The following GPR158 variants were observed in gnomAD, a reference collection of about 807,000 sequenced individuals.
The protein encoded by GPR158 is metabotropic glycine receptor.
A neutral mutation model predicts 78.2 loss-of-function variants in GPR158; 30 were observed. The observed-to-expected ratio is 0.38, with a 90% CI of 0.29 to 0.52. The LOEUF (loss-of-function observed/expected upper bound fraction) is 0.52, where lower values mean the gene tolerates loss of function less well. Among genes scored for constraint, GPR158 ranks in the 20% least tolerant of loss-of-function variants. The pLI is 0.83. For missense variants in GPR158, 1,463 were observed against 1,523.5 expected (o/e 0.96, Z 0.66); for synonymous variants, 581 against 591.1 (o/e 0.98, Z 0.25).
intron 5 of GPR158, among the ~76,000 whole-genome samples, chr10:25,494,515 T>C (rs1426008775): frequency 6.6e-6 from 1 of 152,212 alleles, no homozygotes; most frequent in African/African-American, 2.4e-5. Context: ...ATTGCTACTG[T>C]AGATAATATT....
chr10:25,208,974 A>C (rs868602730), intron 1 of GPR158, among the ~76,000 whole-genome samples: 2 of 150,840 alleles, frequency 1.3e-5, no homozygotes, highest in Middle Eastern at 6.8e-3. Context: ...TCAGCCTCCC[A>C]AGAAGCTGGG....
chr10:25,378,524 GCT>G (rs1834115220), intron 2 of GPR158, among the ~76,000 whole-genome samples: 1 of 151,072 alleles, frequency 6.6e-6, no homozygotes, highest in African/African-American at 2.4e-5. Flanking sequence ...GTCCCACTAT[GCT>G]CTTTTTTCCT....
intron 2 of GPR158, among the ~76,000 whole-genome samples, chr10:25,254,587 AAAAT>A (rs568617121): frequency 5.2e-4 from 79 of 152,328 alleles, no homozygotes; most frequent in African/African-American, 1.9e-3. Flanking sequence ...TAGTAGTGAA[AAAAT>A]AAATTCTATT....
Position 25,599,044 on chromosome 10 carries a change from C to G in GPR158, c.3418C>G (p.Gln1140Glu). Reference protein sequence around the residue: ...ENENLNQIGHQEKKTSSSEEN... With the variant: ...ENENLNQIGHEEKKTSSSEEN... Reference sequence around the variant, plus strand: ...TGAAAATCTCAACCAAATAGGACACCAGGAAAAAAAGACATCTTCTTCTGA... The same window carrying G: ...TGAAAATCTCAACCAAATAGGACACGAGGAAAAAAAGACATCTTCTTCTGA... The change falls in exon 11 of 11, where the codon CAG (glutamine) becomes GAG (glutamate). Residue 1140 changes from glutamine (Q) to glutamate (E), a missense_variant. Gln to Glu is a conservative substitution (Grantham distance 29). Transcript: ENST00000376351. 6.2e-7 allele frequency: 1 copy of G among 1,613,872 alleles called. No homozygotes were observed. Among genetic ancestry groups the G allele is most frequent in the Non-Finnish European group, 8.5e-7 (1 of 1,179,938 alleles).
intron 3 of GPR158, among the ~76,000 whole-genome samples, chr10:25,405,408 A>G (rs980216544): frequency 6.6e-6 from 1 of 151,654 alleles, no homozygotes; most frequent in African/African-American, 2.4e-5. Context: ...CCTAAGCCCA[A>G]CTGTTTAGAA....
intron 4 of GPR158, among the ~76,000 whole-genome samples, chr10:25,432,886 T>C (rs555630160): frequency 1.3e-5 from 2 of 152,326 alleles, no homozygotes; most frequent in African/African-American, 4.8e-5. Context: ...TTAAGGAGTT[T>C]CTGTTCCAGT....
chr10:25,546,442 C>T (rs1836662925), intron 5 of GPR158, among the ~76,000 whole-genome samples: 1 of 152,132 alleles, frequency 6.6e-6, no homozygotes, highest in Non-Finnish European at 1.5e-5. Context: ...GTCACCCAGG[C>T]TTAAAATATT....
intron 2 of GPR158, among the ~76,000 whole-genome samples, chr10:25,389,237 C>T (rs966634633): frequency 1.3e-5 from 2 of 152,176 alleles, no homozygotes; most frequent in African/African-American, 4.8e-5. Flanking sequence ...TTCCTCCCTG[C>T]TGAGGCCCAT....
intron 2 of GPR158, among the ~76,000 whole-genome samples, chr10:25,253,402 A>T (rs1853842954): frequency 6.6e-6 from 1 of 152,162 alleles, no homozygotes; most frequent in South Asian, 2.1e-4. Flanking sequence ...GTTGGAGCTA[A>T]TACTAGGGGA....
chr10:25,450,143 AGT>A (rs1203294279), intron 4 of GPR158, among the ~76,000 whole-genome samples: 1 of 152,106 alleles, frequency 6.6e-6, no homozygotes, highest in Admixed American at 6.5e-5. Context: ...ACTAAGCTGA[AGT>A]TAGCCAGGCC....
intron 5 of GPR158, among the ~76,000 whole-genome samples, chr10:25,508,702 A>T (rs998747591): frequency 6.6e-6 from 1 of 152,136 alleles, no homozygotes; most frequent in Admixed American, 6.5e-5. Context: ...ACCAGGGTCA[A>T]TTGGGAAACT....
At chr10:25,406,916 T>C (rs1173154270) in intron 3 of GPR158, among the ~76,000 whole-genome samples, 35 of 152,142 alleles carry the variant, frequency 2.3e-4, no homozygotes, top group Admixed American at 2.2e-3. Flanking sequence ...TTTTAGTCAC[T>C]TGCAACATTT....
intron 2 of GPR158, among the ~76,000 whole-genome samples, chr10:25,257,912 C>T (rs1192987064): frequency 6.6e-6 from 1 of 152,130 alleles, no homozygotes; most frequent in Admixed American, 6.5e-5. Context: ...GATGAAAAAT[C>T]CTCCACATTC....
intron 2 of GPR158, among the ~76,000 whole-genome samples, chr10:25,242,605 C>G (rs966596943): frequency 3.3e-5 from 5 of 152,194 alleles, no homozygotes; most frequent in African/African-American, 1.2e-4. Context: ...TGGCCATTCT[C>G]TCTCTTCAGA....
chr10:25,220,503 G>C (rs1853284158), intron 1 of GPR158, among the ~76,000 whole-genome samples: 1 of 152,184 alleles, frequency 6.6e-6, no homozygotes, highest in Admixed American at 6.5e-5. Context: ...CATCATTTCT[G>C]TAGTGAGGCA....
rs563378246 is a variant in GPR158 at position 25,298,057 on chromosome 10, A to C, written c.1008+76900A>C. ...ATATTGTGGGGATTGTGTTTCACAGAGTGCCTTTTGAAATATTTAAACAAT... is the reference window on the plus strand; with the variant it reads ...ATATTGTGGGGATTGTGTTTCACAGCGTGCCTTTTGAAATATTTAAACAAT... On this transcript the variant is annotated intron_variant, in intron 2 of 10. Transcript: ENST00000376351. 2.6e-5 allele frequency among the ~76,000 whole-genome samples: 4 copies of C among 152,292 alleles called. No individual in the cohort carries two copies. The East Asian group carries it at 7.7e-4, about 29-fold the overall frequency.
intron 5 of GPR158, among the ~76,000 whole-genome samples, chr10:25,542,768 G>C (rs1836604091): frequency 7.2e-6 from 1 of 139,090 alleles, no homozygotes; most frequent in Admixed American, 7.3e-5. Flanking sequence ...AGGTTACAGT[G>C]AGCCGAGATC....
intron 5 of GPR158, among the ~76,000 whole-genome samples, chr10:25,534,318 A>G (rs761649694): frequency 2.0e-5 from 3 of 152,096 alleles, no homozygotes; most frequent in Non-Finnish European, 4.4e-5. Context: ...CTTAGTTACA[A>G]TTTAAACATA....
intron 5 of GPR158, among the ~76,000 whole-genome samples, chr10:25,489,150 A>G (rs150510619): frequency 0.01 from 1,544 of 152,278 alleles, 15 homozygotes; most frequent in Admixed American, 0.031. Flanking sequence ...TTTTCCTCCA[A>G]ATGATTTTTC....
Sources: gnomAD v4.1 joint callset for allele counts (sites outside exome capture counted in the v4.1 genomes callset) on GRCh38, gnomAD v4.1.1 for gene constraint, MANE v1.5 for transcripts, NCBI Gene and HGNC (gene_info 2026-07-23, HGNC 2026-07-21) for gene names.